The following CNTN5 variants were observed in gnomAD, a reference collection of about 807,000 sequenced individuals.
CNTN5 encodes contactin 5.
In CNTN5, 77 loss-of-function variants were observed where a neutral mutation model predicts 129.1. The ratio of observed to expected loss-of-function variants is 0.60; its 90% confidence interval spans 0.50 to 0.72. The LOEUF is 0.72. Among genes scored for constraint, CNTN5 ranks in the 30% least tolerant of loss-of-function variants. The pLI, the probability that CNTN5 is intolerant of heterozygous loss-of-function variation, is 0.00. For missense variants in CNTN5, 1,478 were observed against 1,328.8 expected, an observed-to-expected ratio of 1.11 and a Z score of -1.75; for synonymous variants, 509 against 465.6, an observed-to-expected ratio of 1.09 and a Z score of -1.20.
At chr11:99,985,969 C>T (rs1938647435) in intron 8 of CNTN5, among the ~76,000 whole-genome samples, 1 of 152,178 alleles carries the variant, frequency 6.6e-6, no homozygotes, top group Non-Finnish European at 1.5e-5. Flanking sequence ...TTGTGATTAT[C>T]AATTATTCTA....
chr11:99,401,066 C>A (rs983130644), intron 2 of CNTN5, among the ~76,000 whole-genome samples: 1 of 152,044 alleles, frequency 6.6e-6, no homozygotes, highest in Non-Finnish European at 1.5e-5. Flanking sequence ...CTTTACCTTG[C>A]AGGAGCTTTT....
intron 7 of CNTN5, among the ~76,000 whole-genome samples, chr11:99,922,126 C>T (rs1467132483): frequency 6.6e-6 from 1 of 152,104 alleles, no homozygotes; most frequent in Non-Finnish European, 1.5e-5. Context: ...GGCTGGAGGG[C>T]CTCACAATTA....
At chr11:99,238,152 C>A (rs1355393951) in intron 1 of CNTN5, among the ~76,000 whole-genome samples, 3 of 152,050 alleles carry the variant, frequency 2.0e-5, no homozygotes, top group African/African-American at 4.8e-5. Context: ...TGGGATAAAT[C>A]ATATTACATA....
chr11:99,804,665 A>T (rs1946215612), intron 3 of CNTN5, among the ~76,000 whole-genome samples: 1 of 151,562 alleles, frequency 6.6e-6, no homozygotes, highest in Non-Finnish European at 1.5e-5. Context: ...TCGTTAGCTA[A>T]TATGGCAGAA....
intron 4 of CNTN5, 94 bp downstream of exon 4, chr11:99,819,859 A>T (rs1399746916): frequency 7.6e-6 from 5 of 661,136 alleles, no homozygotes; most frequent in Non-Finnish European, 9.6e-6. Flanking sequence ...CTATTCCAGT[A>T]GGAGAGAGTG....
chr11:99,833,735 A>G (rs1947218124), intron 4 of CNTN5, among the ~76,000 whole-genome samples: 2 of 152,188 alleles, frequency 1.3e-5, no homozygotes, highest in Admixed American at 1.3e-4. Context: ...TTCCAGAGTC[A>G]TAATTTATAA....
intron 3 of CNTN5, among the ~76,000 whole-genome samples, chr11:99,728,314 C>A (rs923626592): frequency 6.6e-6 from 1 of 152,054 alleles, no homozygotes; most frequent in Non-Finnish European, 1.5e-5. Flanking sequence ...AATCTTAAGG[C>A]CTTGATATTA....
chr11:99,254,162 G>A (rs1862258948), intron 1 of CNTN5, among the ~76,000 whole-genome samples: 1 of 151,740 alleles, frequency 6.6e-6, no homozygotes, highest in South Asian at 2.1e-4. Context: ...AAGAATTATG[G>A]TGGACTGGGG....
chr11:99,395,527 C>T (rs113851969), intron 2 of CNTN5, among the ~76,000 whole-genome samples: 3 of 152,000 alleles, frequency 2.0e-5, no homozygotes, highest in African/African-American at 7.2e-5. Context: ...TTTTGCTGTG[C>T]AGAAGCTTTT....
At chr11:99,093,862 G>A (rs1055496507) in intron 1 of CNTN5, among the ~76,000 whole-genome samples, 1 of 151,924 alleles carries the variant, frequency 6.6e-6, no homozygotes, top group African/African-American at 2.4e-5. Flanking sequence ...TTAATAACTT[G>A]TCTAAATCTC....
intron 3 of CNTN5, among the ~76,000 whole-genome samples, chr11:99,658,833 G>A (rs2135908908): frequency 6.8e-6 from 1 of 147,436 alleles, no homozygotes; most frequent in Admixed American, 7.0e-5. Flanking sequence ...GGATGCAGTG[G>A]GCCAAGATGG....
chr11:99,404,356 A>G (rs530607723), intron 2 of CNTN5, among the ~76,000 whole-genome samples: 4 of 151,562 alleles, frequency 2.6e-5, no homozygotes, highest in African/African-American at 9.7e-5. Flanking sequence ...GTTAATTTTG[A>G]TAGGTAGGTA....
rs555193955 is a variant in CNTN5, at chr11:99,867,368, T to G, written c.577+22106T>G. Among the ~76,000 whole-genome samples, 84 of 152,344 alleles carry G rather than the reference T, an allele frequency of 5.5e-4. 1 individual carries two copies. The highest frequency in any genetic ancestry group is 1.9e-3 in the African/African-American group (80 of 41,590). On this transcript the variant is annotated intron_variant, in intron 6 of 24. Coordinates refer to ENST00000524871, the MANE Select transcript of CNTN5 (RefSeq NM_014361.4). ...GAGTGCATGAGGTTTCTTTGGCTGTTGTGACAGATTATCACAAACGTAGAG... is the reference window on the plus strand; with the variant it reads ...GAGTGCATGAGGTTTCTTTGGCTGTGGTGACAGATTATCACAAACGTAGAG...
intron 2 of CNTN5, among the ~76,000 whole-genome samples, chr11:99,404,614 A>G (rs1406992002): frequency 6.6e-6 from 1 of 152,160 alleles, no homozygotes; most frequent in Non-Finnish European, 1.5e-5. Flanking sequence ...ATTTGCATAA[A>G]GGAACAAGCT....
chr11:99,825,017 A>G (rs1946910080), intron 4 of CNTN5, among the ~76,000 whole-genome samples: 1 of 152,032 alleles, frequency 6.6e-6, no homozygotes, highest in Non-Finnish European at 1.5e-5. Context: ...ATAGAGCCCT[A>G]TCAATCTGTT....
chr11:100,224,177 A>C (rs1949323385), intron 15 of CNTN5, among the ~76,000 whole-genome samples: 1 of 152,146 alleles, frequency 6.6e-6, no homozygotes, highest in African/African-American at 2.4e-5. Context: ...GTAAAGACAC[A>C]TGGCTTTGGG....
At chr11:99,911,348 A>G (rs932396745) in intron 6 of CNTN5, among the ~76,000 whole-genome samples, 2 of 151,930 alleles carry the variant, frequency 1.3e-5, no homozygotes, top group African/African-American at 4.8e-5. Flanking sequence ...TTGGCACTCC[A>G]TTCCTCTTCC....
At chr11:99,952,249 A>T (rs1950693716) in intron 7 of CNTN5, among the ~76,000 whole-genome samples, 1 of 152,186 alleles carries the variant, frequency 6.6e-6, no homozygotes, top group Admixed American at 6.5e-5. Context: ...TCAAAAAAGA[A>T]AATAATTGTA....
chr11:99,886,668 G>A (rs1372228), intron 6 of CNTN5, among the ~76,000 whole-genome samples: 142,377 of 152,198 alleles, frequency 0.94, 67,314 homozygotes, highest in East Asian at 1. Flanking sequence ...TAGTAATGAC[G>A]CTAGTGGGTA....
Sources: allele counts gnomAD v4.1 joint callset (sites outside exome capture counted in the v4.1 genomes callset), GRCh38; gene constraint gnomAD v4.1.1; transcripts MANE v1.5; gene names NCBI Gene and HGNC (gene_info 2026-07-23, HGNC 2026-07-21).